DDX10: variants seen among roughly 807,000 people sequenced by gnomAD.
DDX10 encodes the protein probable ATP-dependent RNA helicase DDX10.
DDX10 carries 74 observed loss-of-function variants against 104.3 expected under a neutral mutation model. The ratio of observed to expected loss-of-function variants is 0.71; its 90% CI spans 0.59 to 0.86. The LOEUF (loss-of-function observed/expected upper bound fraction) is 0.86. Among genes scored for constraint, DDX10 ranks in the 40% least tolerant of loss-of-function variants. DDX10 has a pLI of 0.00. For missense variants in DDX10, 952 were observed against 1,040.0 expected (o/e 0.92, Z 1.16); for synonymous variants, 351 against 353.4 (o/e 0.99, Z 0.08).
intron 17 of DDX10, among the ~76,000 whole-genome samples, chr11:108,930,883 G>C (rs144553844): frequency 6.6e-6 from 1 of 152,208 alleles, no homozygotes; most frequent in African/African-American, 2.4e-5. Flanking sequence ...TGTCTTCTCA[G>C]CCTCTCAAAG....
chr11:108,730,982 C>T (rs1189639095), intron 13 of DDX10, among the ~76,000 whole-genome samples: 1 of 151,838 alleles, frequency 6.6e-6, no homozygotes, highest in Non-Finnish European at 1.5e-5. Flanking sequence ...TGTACATTCC[C>T]TAGTACTGTG....
intron 6 of DDX10, among the ~76,000 whole-genome samples, chr11:108,687,285 A>G (rs1591791840): frequency 6.6e-6 from 1 of 152,112 alleles, no homozygotes; most frequent in East Asian, 1.9e-4. Context: ...GCCTGTTGAC[A>G]TATGATATGG....
chr11:108,905,642 T>C (rs778642637), intron 16 of DDX10, among the ~76,000 whole-genome samples: 2 of 152,200 alleles, frequency 1.3e-5, no homozygotes, highest in African/African-American at 2.4e-5. Flanking sequence ...TGGAATTTCT[T>C]ATCAATGAAG....
intron 13 of DDX10, among the ~76,000 whole-genome samples, chr11:108,814,334 A>G (rs1862225850): frequency 6.6e-6 from 1 of 151,914 alleles, no homozygotes; most frequent in South Asian, 2.1e-4. Context: ...TAACCATGCC[A>G]TTTTTTTCAT....
intron 6 of DDX10, among the ~76,000 whole-genome samples, chr11:108,685,650 G>A (rs1395713195): frequency 2.0e-5 from 3 of 152,180 alleles, no homozygotes. Context: ...ATTGTGTTAA[G>A]CTTTACAGTG....
In DDX10 at chr11:108,665,335, A is replaced by G. The variant is rs1310613485; in HGVS notation, c.182A>G (p.Glu61Gly). Residue 61 changes from glutamate (E) to glycine (G), a missense_variant, in exon 1 of 18, where the codon GAA becomes GGA. Glu to Gly is a moderately conservative substitution (Grantham distance 98, BLOSUM62 -2). Transcript: ENST00000322536. ...ESISRLMQNY[E>G]KINVNEITRF... is the part of the protein sequence containing the mutation. ...ATCAGCCGCCTCATGCAGAACTATG[A>G]AAAGGTGAGGCCGGCGCTGGGGAGG... 1.3e-6 allele frequency: 2 copies of G among 1,578,696 alleles called. No individual in the cohort carries two copies. Among genetic ancestry groups the G allele is most frequent in the Admixed American group, 1.8e-5 (1 of 54,542 alleles).
At chr11:108,785,733 C>A (rs1006034677) in intron 13 of DDX10, among the ~76,000 whole-genome samples, 33 of 152,066 alleles carry the variant, frequency 2.2e-4, no homozygotes, top group Non-Finnish European at 3.4e-4. Context: ...TGTTCATAAT[C>A]GTCTCCAATC....
At chr11:108,793,889 T>C (rs1156677452) in intron 13 of DDX10, among the ~76,000 whole-genome samples, 1 of 149,796 alleles carries the variant, frequency 6.7e-6, no homozygotes, top group Non-Finnish European at 1.5e-5. Flanking sequence ...GATAAATGTT[T>C]TTTTTTTTTT....
chr11:108,736,887 A>G (rs1053871593), intron 13 of DDX10, among the ~76,000 whole-genome samples: 1 of 152,194 alleles, frequency 6.6e-6, no homozygotes, highest in African/African-American at 2.4e-5. Context: ...TCTCTAGTTG[A>G]ATTGTCCACC....
At chr11:108,936,916 C>A (rs374636011) in intron 17 of DDX10, among the ~76,000 whole-genome samples, 11 of 152,126 alleles carry the variant, frequency 7.2e-5, no homozygotes, top group Non-Finnish European at 1.6e-4. Flanking sequence ...TTTCCACTCA[C>A]GAGTTTACAT....
chr11:108,869,852 A>G (rs894043395), intron 16 of DDX10, among the ~76,000 whole-genome samples: 1 of 152,142 alleles, frequency 6.6e-6, no homozygotes, highest in Admixed American at 6.5e-5. Context: ...GAAGAACTTC[A>G]TTCTTTCACT....
At chr11:108,915,048 C>T (rs970920640) in intron 16 of DDX10, among the ~76,000 whole-genome samples, 9 of 151,932 alleles carry the variant, frequency 5.9e-5, no homozygotes, top group Non-Finnish European at 8.8e-5. Flanking sequence ...GTCCAGTATA[C>T]ATGTGCTTGG....
intron 17 of DDX10, among the ~76,000 whole-genome samples, chr11:108,931,282 G>A (rs148051710): frequency 1.3e-5 from 2 of 152,202 alleles, no homozygotes; most frequent in East Asian, 1.9e-4. Flanking sequence ...CATTTATAAT[G>A]CATTTACCAT....
intron 13 of DDX10, among the ~76,000 whole-genome samples, chr11:108,775,706 A>G (rs948510328): frequency 6.6e-6 from 1 of 152,194 alleles, no homozygotes; most frequent in Non-Finnish European, 1.5e-5. Flanking sequence ...TCTCAATATA[A>G]ATCTGCATAT....
intron 13 of DDX10, among the ~76,000 whole-genome samples, chr11:108,817,903 AAG>A (rs1277234508): frequency 6.6e-6 from 1 of 152,228 alleles, no homozygotes; most frequent in Non-Finnish European, 1.5e-5. Flanking sequence ...TGAAAACAAA[AAG>A]AACACCTTGT....
At chr11:108,907,152 C>T (rs796540996) in intron 16 of DDX10, among the ~76,000 whole-genome samples, 7 of 152,126 alleles carry the variant, frequency 4.6e-5, no homozygotes, top group African/African-American at 1.7e-4. Context: ...CCTCATAGTC[C>T]TTCAGTCAAA....
chr11:108,760,183 G>A (rs965092482), intron 13 of DDX10, among the ~76,000 whole-genome samples: 5 of 151,674 alleles, frequency 3.3e-5, no homozygotes, highest in African/African-American at 1.2e-4. Context: ...CCCACCCTTA[G>A]CATTCAATAT....
intron 13 of DDX10, among the ~76,000 whole-genome samples, chr11:108,771,551 T>G (rs1464840736): frequency 1.3e-5 from 2 of 152,086 alleles, no homozygotes; most frequent in African/African-American, 4.8e-5. Context: ...TTCACTGTGT[T>G]AGCCAGGATG....
At chr11:108,782,265 T>G (rs900996789) in intron 13 of DDX10, among the ~76,000 whole-genome samples, 1 of 152,210 alleles carries the variant, frequency 6.6e-6, no homozygotes, top group Non-Finnish European at 1.5e-5. Flanking sequence ...GAACTGAATT[T>G]GGAAATGGAG....
Sources: allele counts gnomAD v4.1 joint callset (sites outside exome capture counted in the v4.1 genomes callset), GRCh38; gene constraint gnomAD v4.1.1; transcripts MANE v1.5; gene names NCBI Gene and HGNC (gene_info 2026-07-23, HGNC 2026-07-21).